TMC7: variants seen among roughly 807,000 people sequenced by gnomAD.
TMC7 encodes transmembrane channel-like protein 7.
Under a neutral mutation model 82.9 loss-of-function variants are expected in TMC7, and 54 were observed. That is an observed-to-expected ratio of 0.65 (90% CI 0.52 to 0.82). The LOEUF (loss-of-function observed/expected upper bound fraction) is 0.82. Ranked by LOEUF, TMC7 falls within the 40% of genes least tolerant of loss-of-function variation. The probability of loss-of-function intolerance (pLI) is 0.00; values close to 1 mark genes in which losing one functional copy is unlikely to be tolerated. For missense variants in TMC7, 820 were observed against 901.2 expected, an observed-to-expected ratio of 0.91 and a Z score of 1.15; for synonymous variants, 350 against 337.9, an observed-to-expected ratio of 1.04 and a Z score of -0.39.
chr16:19,023,076 C>G (rs769906977), intron 4 of TMC7, 37 bp from the exon 5 acceptor site: 68 of 1,383,248 alleles, frequency 4.9e-5, no homozygotes, highest in Non-Finnish European at 6.3e-5. Flanking sequence ...GAGACTAAAA[C>G]TGTTTCCACT....
intron 3 of TMC7, among the ~76,000 whole-genome samples, chr16:19,018,753 T>C (rs1253910617): frequency 6.6e-6 from 1 of 152,104 alleles, no homozygotes; most frequent in African/African-American, 2.4e-5. Flanking sequence ...CTGGGTAACA[T>C]AGTAAGATCC....
At chr16:19,036,514 GA>G (rs768809502) in intron 7 of TMC7, among the ~76,000 whole-genome samples, 3 of 121,018 alleles carry the variant, frequency 2.5e-5, no homozygotes, top group East Asian at 2.4e-4. Context: ...TCTCAAAAAA[GA>G]AAAAAAAAGT....
intron 5 of TMC7, 102 bp downstream of exon 5, chr16:19,023,297 A>T: frequency 1.5e-6 from 1 of 675,304 alleles, no homozygotes; most frequent in Non-Finnish European, 2.5e-6. Context: ...GCTAAACACA[A>T]GTGTTGGTTG....
chr16:18,992,362 T>G (rs2038966830), intron 1 of TMC7, among the ~76,000 whole-genome samples: 1 of 152,234 alleles, frequency 6.6e-6, no homozygotes, highest in African/African-American at 2.4e-5. Flanking sequence ...GATGAGCATT[T>G]TTTCATGTGT....
intron 1 of TMC7, 195 bp downstream of exon 1, chr16:18,984,325 C>T (rs1021795772): frequency 2.6e-5 from 34 of 1,305,188 alleles, no homozygotes; most frequent in African/African-American, 3.1e-5. Flanking sequence ...CGTCCTCATC[C>T]AATCCAGTGG....
intron 1 of TMC7, among the ~76,000 whole-genome samples, chr16:19,004,897 C>T (rs1232877231): frequency 6.6e-6 from 1 of 150,606 alleles, no homozygotes; most frequent in African/African-American, 2.4e-5. Flanking sequence ...GAATTGGAGT[C>T]TTGTTATGTT....
chr16:19,043,973 G>A (rs1003867265), intron 9 of TMC7, among the ~76,000 whole-genome samples: 1 of 151,832 alleles, frequency 6.6e-6, no homozygotes, highest in African/African-American at 2.4e-5. Flanking sequence ...AGATTCAAGC[G>A]ATTCTCCTGC....
chr16:18,985,636 T>C (rs1328651850), intron 1 of TMC7, among the ~76,000 whole-genome samples: 1 of 152,126 alleles, frequency 6.6e-6, no homozygotes, highest in African/African-American at 2.4e-5. Flanking sequence ...TTGGCATCTT[T>C]TCAGGAGGAC....
At chr16:19,031,031 C>A (rs1257816622) in intron 6 of TMC7, among the ~76,000 whole-genome samples, 3 of 152,028 alleles carry the variant, frequency 2.0e-5, no homozygotes, top group Admixed American at 6.5e-5. Context: ...CTCACAGATC[C>A]AAGGAAGGGA....
intron 2 of TMC7, among the ~76,000 whole-genome samples, chr16:19,014,249 C>T (rs75933750): frequency 9.9e-4 from 151 of 152,150 alleles, no homozygotes; most frequent in African/African-American, 3.4e-3. Flanking sequence ...TTAGCAACAT[C>T]CCTGGCCTCT....
intron 2 of TMC7, among the ~76,000 whole-genome samples, chr16:19,013,250 C>T (rs1261808816): frequency 6.6e-6 from 1 of 151,932 alleles, no homozygotes; most frequent in Non-Finnish European, 1.5e-5. Flanking sequence ...CGGAGTTTCG[C>T]TCTTGTTGCC....
chr16:19,009,381 T>C lies in TMC7; in HGVS notation c.277T>C (p.Tyr93His). 1.2e-6 allele frequency: 2 copies of C among 1,614,148 alleles called. No individual in the cohort carries two copies. Among genetic ancestry groups the C allele is most frequent in the Admixed American group, 1.7e-5 (1 of 60,010 alleles). Residue 93 changes from tyrosine (Y) to histidine (H), a missense_variant, in exon 2 of 16, where the codon TAT becomes CAT. Tyr to His is a moderately conservative substitution (Grantham distance 83, BLOSUM62 2). Around this residue, in one of 2 missense-constraint regions of TMC7, gnomAD observed 650 missense variants for 669.9 expected, o/e 0.97. Transcript: ENST00000304381. ...ENLSSHSLRN[Y>H]ALNISEKRRL... ...CCTCAGCAGCCATTCTCTTCGAAAT[T>C]ATGCACTGAACATCTCTGAGAAGCG...
chr16:19,038,001 A>T lies in TMC7; in HGVS notation c.1133A>T (p.Tyr378Phe). 6.2e-7 allele frequency: 1 copy of T among 1,614,136 alleles called. No homozygotes were observed. The highest frequency in any genetic ancestry group is 8.5e-7 in the Non-Finnish European group (1 of 1,180,018). The change falls in exon 8 of 16, where the codon TAT becomes TTT. Residue 378 changes from tyrosine (Y) to phenylalanine (F), a missense_variant. Transcript: ENST00000304381. The part of the protein sequence containing the change: ...IVLAVLGACF[Y>F]AIYVATVFSQ... ...CTGGCTGTTTTAGGGGCATGCTTTTATGCAATATACGTAGCAACTGTCTTC... is the reference window on the plus strand; with the variant it reads ...CTGGCTGTTTTAGGGGCATGCTTTTTTGCAATATACGTAGCAACTGTCTTC...
chr16:18,996,731 C>A (rs945505465), intron 1 of TMC7, among the ~76,000 whole-genome samples: 15 of 152,142 alleles, frequency 9.9e-5, no homozygotes, highest in Non-Finnish European at 2.2e-4. Flanking sequence ...CAGCCCTGGG[C>A]TGCAATGTGG....
intron 15 of TMC7, chr16:19,059,706 T>TTACA: frequency 6.6e-7 from 1 of 1,524,470 alleles, no homozygotes; most frequent in Non-Finnish European, 8.8e-7. Context: ...GGGGATGTGG[T>TTACA]GGCTCATGCC....
chr16:19,037,931 A>G lies in TMC7; in HGVS notation c.1063A>G (p.Thr355Ala), dbSNP rs55796412. Reference protein sequence around the residue: ...QKIAERTSEETIRIYSLRLFL... With the variant: ...QKIAERTSEEAIRIYSLRLFL... The stretch of plus-strand genomic sequence containing the variant: ...AATAGCAGAAAGGACCTCAGAAGAA[A>G]CAATACGCATTTACTCTTTGAGACT... The change falls in exon 8 of 16, where the codon ACA becomes GCA. Residue 355 changes from threonine (T) to alanine (A), a missense_variant. Thr to Ala is a moderately conservative substitution (Grantham distance 58, BLOSUM62 0). Transcript: ENST00000304381. 6.2e-7 allele frequency: 1 copy of G among 1,614,026 alleles called. No homozygotes were observed. The highest frequency in any genetic ancestry group is 2.2e-5 in the East Asian group (1 of 44,872).
chr16:19,056,966 A>G, intron 14 of TMC7, among the ~76,000 whole-genome samples: 1 of 82,010 alleles, frequency 1.2e-5, no homozygotes, highest in African/African-American at 3.5e-5. Context: ...CTCTACAAAA[A>G]AATAAATAAA....
chr16:19,062,462 C>A lies in TMC7; in HGVS notation c.*619C>A, dbSNP rs568013855. 2 of 152,302 alleles carry A rather than the reference C, an allele frequency of 1.3e-5. No individual in the cohort carries two copies. The highest frequency in any genetic ancestry group is 3.9e-4 in the East Asian group (2 of 5,188). The allele number at this position is 152,302 out of a possible 1,614,324, so 9.4% of individuals were successfully genotyped here. A position where few individuals can be genotyped will look rare whatever the true frequency, so the allele number is the denominator to read the frequency against. On this transcript the variant is annotated 3_prime_UTR_variant, in exon 16 of 16. Coordinates refer to ENST00000304381, the MANE Select transcript of TMC7 (RefSeq NM_024847.4). ...GACCAACGTGGAGAAACTCCGTCTC[C>A]ACTAAAATACAAAATTAGCTGGGTG...
At chr16:18,999,247 G>A (rs981341653) in intron 1 of TMC7, among the ~76,000 whole-genome samples, 7 of 152,084 alleles carry the variant, frequency 4.6e-5, no homozygotes, top group Non-Finnish European at 8.8e-5. Context: ...CAATCCTCCC[G>A]CCTCATCCTC....
Sources: gnomAD v4.1 joint callset for allele counts (sites outside exome capture counted in the v4.1 genomes callset) on GRCh38, gnomAD v4.1.1 for gene constraint, gnomAD v4.1.1 regional missense constraint, MANE v1.5 for transcripts, NCBI Gene and HGNC (gene_info 2026-07-23, HGNC 2026-07-21) for gene names.